The following DIAPH2 variants were observed in gnomAD, a reference collection of about 807,000 sequenced individuals.
DIAPH2 encodes the protein protein diaphanous homolog 2.
In DIAPH2, 35 loss-of-function variants were observed where a neutral mutation model predicts 92.7. The observed-to-expected ratio is 0.38, with a 90% CI of 0.29 to 0.50. DIAPH2 has a LOEUF of 0.50. Among genes scored for constraint, DIAPH2 ranks in the 20% least tolerant of loss-of-function variants. The pLI, the probability that DIAPH2 is intolerant of heterozygous loss-of-function variation, is 0.94. For missense variants in DIAPH2, 701 were observed against 819.5 expected (o/e 0.86, Z 1.77); for synonymous variants, 301 against 280.4 (o/e 1.07, Z -0.73).
chrX:96,770,147 G>A (rs1375601719), intron 4 of DIAPH2, among the ~76,000 whole-genome samples: 4 of 108,425 alleles, frequency 3.7e-5, no homozygotes, highest in Non-Finnish European at 7.6e-5. Context: ...GCAGTGAGCC[G>A]AGATGGTGCC....
At chrX:96,987,595 A>C (rs2066041081) in intron 17 of DIAPH2, among the ~76,000 whole-genome samples, 1 of 111,274 alleles carries the variant, frequency 9.0e-6, no homozygotes. Context: ...CTAGGATCCA[A>C]ATTTTGTTTT....
At chrX:97,463,254 A>G (rs1602606658) in intron 26 of DIAPH2, among the ~76,000 whole-genome samples, 1 of 102,559 alleles carries the variant, frequency 9.8e-6, no homozygotes, top group South Asian at 4.7e-4. Flanking sequence ...TGTTCCTGTG[A>G]CAGGAATGTT....
chrX:97,082,782 C>T (rs1208838825), intron 19 of DIAPH2, among the ~76,000 whole-genome samples: 1 of 111,812 alleles, frequency 8.9e-6, no homozygotes, highest in East Asian at 2.8e-4. Context: ...TGTGAGGCTA[C>T]TTCCAGACAA....
chrX:97,258,819 C>T (rs1284503126), intron 23 of DIAPH2, among the ~76,000 whole-genome samples: 6 of 94,733 alleles, frequency 6.3e-5, no homozygotes, highest in African/African-American at 2.5e-4. Flanking sequence ...TGCTGTGAGC[C>T]GAGATCACGC....
chrX:97,383,720 C>G (rs1286944359), intron 24 of DIAPH2, among the ~76,000 whole-genome samples, 189 bp from the exon 25 acceptor site: 1 of 109,434 alleles, frequency 9.1e-6, no homozygotes, highest in Non-Finnish European at 1.9e-5. Flanking sequence ...TGCTGTAATA[C>G]CTTCCCATCT....
At chrX:97,103,917 G>C (rs986581393) in intron 20 of DIAPH2, among the ~76,000 whole-genome samples, 1 of 111,081 alleles carries the variant, frequency 9.0e-6, no homozygotes, top group Non-Finnish European at 1.9e-5. Context: ...TCCTGCTTAG[G>C]ACCATTGCAC....
intron 9 of DIAPH2, among the ~76,000 whole-genome samples, chrX:96,918,922 C>T (rs1255513876): frequency 8.9e-6 from 1 of 111,895 alleles, no homozygotes; most frequent in Non-Finnish European, 1.9e-5. Context: ...TCAGCCAATG[C>T]CATTATCCTA....
intron 15 of DIAPH2, among the ~76,000 whole-genome samples, chrX:96,951,219 C>T (rs5920979): frequency 0.44 from 49,046 of 110,452 alleles, 8,054 homozygotes; most frequent in South Asian, 0.58. Flanking sequence ...TGTTGGCATA[C>T]ATTATTCTCT....
chrX:96,875,684 G>C (rs1186098411), intron 4 of DIAPH2, among the ~76,000 whole-genome samples: 1 of 110,821 alleles, frequency 9.0e-6, no homozygotes, highest in Non-Finnish European at 1.9e-5. Flanking sequence ...GTAATTTTCT[G>C]TGTAGGTTTT....
chrX:96,725,625 A>G (rs986675117), intron 1 of DIAPH2, among the ~76,000 whole-genome samples: 6 of 111,727 alleles, frequency 5.4e-5, no homozygotes, highest in Non-Finnish European at 1.1e-4. Flanking sequence ...CTTTGGATAC[A>G]TGTGTTCCAA....
rs56828730 is a variant in DIAPH2, at chrX:97,414,653, C to CAA, written c.3146-14980_3146-14979dup. ...TGGGCGACAGAGCAAGACTCTGTCT[C>CAA]AAAAAAAAAAAAAAAAAAGCTGAAA... On this transcript the variant is annotated intron_variant, in intron 25 of 26. Transcript: ENST00000324765. 1.7e-3 allele frequency among the ~76,000 whole-genome samples: 65 copies of CAA among 37,747 alleles called. 1 individual carries two copies. Among genetic ancestry groups the CAA allele is most frequent in the African/African-American group, 5.3e-3 (61 of 11,617 alleles). 32.8% of individuals were successfully genotyped at this position (37,747 alleles called of 115,157 possible). A position where few individuals can be genotyped will look rare whatever the true frequency, so the allele number is the denominator to read the frequency against.
chrX:96,825,203 G>T (rs1400480424), intron 4 of DIAPH2, among the ~76,000 whole-genome samples: 1 of 107,722 alleles, frequency 9.3e-6, no homozygotes, highest in Non-Finnish European at 1.9e-5. Flanking sequence ...TGATCCACTG[G>T]CCTCGGCCTC....
intron 4 of DIAPH2, among the ~76,000 whole-genome samples, chrX:96,787,473 C>G (rs187342814): frequency 1.5e-4 from 16 of 110,237 alleles, no homozygotes; most frequent in Middle Eastern, 4.7e-3. Context: ...CCTCTATAAA[C>G]ATTGTTTTTA....
chrX:97,035,277 A>T (rs2066402828), intron 17 of DIAPH2, among the ~76,000 whole-genome samples: 2 of 112,031 alleles, frequency 1.8e-5, no homozygotes, highest in Admixed American at 1.9e-4. Context: ...GGACGCCTTC[A>T]TTATTGGGAA....
chrX:97,291,202 C>T (rs1173674902), intron 23 of DIAPH2, among the ~76,000 whole-genome samples: 1 of 110,939 alleles, frequency 9.0e-6, no homozygotes, highest in African/African-American at 3.3e-5. Context: ...GCCTGGCCAA[C>T]ATGGTGAAAC....
At chrX:96,815,872 G>A (rs991522707) in intron 4 of DIAPH2, among the ~76,000 whole-genome samples, 6 of 110,559 alleles carry the variant, frequency 5.4e-5, no homozygotes, top group Non-Finnish European at 7.6e-5. Context: ...GTTTCACCAC[G>A]TTGCCCAGGC....
chrX:96,725,791 T>C (rs1337810655), intron 1 of DIAPH2, among the ~76,000 whole-genome samples: 1 of 112,487 alleles, frequency 8.9e-6, no homozygotes, highest in Non-Finnish European at 1.9e-5. Flanking sequence ...ACAAAAAATA[T>C]AATAATACCT....
intron 26 of DIAPH2, among the ~76,000 whole-genome samples, chrX:97,508,355 G>A (rs1361493853): frequency 8.9e-6 from 1 of 111,935 alleles, no homozygotes; most frequent in Non-Finnish European, 1.9e-5. Context: ...GATAAACTGA[G>A]AGTTTAAAAT....
At chrX:97,072,746 G>A (rs1486514320) in intron 17 of DIAPH2, among the ~76,000 whole-genome samples, 195 bp from the exon 18 acceptor site, 1 of 111,432 alleles carries the variant, frequency 9.0e-6, no homozygotes, top group Admixed American at 9.5e-5. Context: ...CTTAAGTGCT[G>A]ATATTTAATT....
Sources: gnomAD v4.1 joint callset for allele counts (sites outside exome capture counted in the v4.1 genomes callset) on GRCh38, gnomAD v4.1.1 for gene constraint, MANE v1.5 for transcripts, NCBI Gene and HGNC (gene_info 2026-07-23, HGNC 2026-07-21) for gene names.